The following TSC22D1 variants were observed in gnomAD, a reference collection of about 807,000 sequenced individuals.
The protein encoded by TSC22D1 is TSC22 domain family member 1, also known as TSC22 domain family protein 1.
TSC22D1 carries 9 observed loss-of-function variants against 74.2 expected under a neutral mutation model. The ratio of observed to expected loss-of-function variants is 0.12; its 90% CI spans 0.07 to 0.21. TSC22D1 has a LOEUF of 0.21. Ranked by LOEUF, TSC22D1 falls within the 10% of genes least tolerant of loss-of-function variation. The pLI is 1.00. For synonymous variants in TSC22D1, 586 were observed against 492.5 expected (o/e 1.19, Z -2.51); for missense variants, 1,427 against 1,304.7 (o/e 1.09, Z -1.44).
intron 1 of TSC22D1, among the ~76,000 whole-genome samples, chr13:44,451,850 G>GT (rs2138913418): frequency 6.6e-6 from 1 of 152,274 alleles, no homozygotes; most frequent in Non-Finnish European, 1.5e-5. Flanking sequence ...CTGCATGCCC[G>GT]TATCTATCCC....
intron 1 of TSC22D1, among the ~76,000 whole-genome samples, chr13:44,565,202 T>C (rs976957742): frequency 3.3e-5 from 5 of 152,024 alleles, no homozygotes; most frequent in African/African-American, 1.2e-4. Flanking sequence ...GAACCAATGA[T>C]TACCTAGGGA....
At chr13:44,456,234 G>C (rs962556962) in intron 1 of TSC22D1, among the ~76,000 whole-genome samples, 1 of 152,196 alleles carries the variant, frequency 6.6e-6, no homozygotes, top group Non-Finnish European at 1.5e-5. Flanking sequence ...AGCTTCCACG[G>C]CGGAGAAGAA....
At chr13:44,563,140 T>C (rs1207191994) in intron 1 of TSC22D1, among the ~76,000 whole-genome samples, 1 of 152,016 alleles carries the variant, frequency 6.6e-6, no homozygotes, top group Non-Finnish European at 1.5e-5. Flanking sequence ...AAAAACCCTG[T>C]CTTAAGGTTA....
chr13:44,531,903 C>G (rs1219056462), intron 1 of TSC22D1, among the ~76,000 whole-genome samples: 2 of 152,188 alleles, frequency 1.3e-5, no homozygotes, highest in Admixed American at 1.3e-4. Flanking sequence ...TCTTCACCAT[C>G]TTCTGCTATT....
chr13:44,568,006 C>T (rs1235031490), intron 1 of TSC22D1, among the ~76,000 whole-genome samples: 3 of 152,158 alleles, frequency 2.0e-5, no homozygotes, highest in Non-Finnish European at 4.4e-5. Flanking sequence ...ACAAAATACA[C>T]AGGTCACATA....
intron 1 of TSC22D1, among the ~76,000 whole-genome samples, chr13:44,561,071 C>A (rs1223341548): frequency 2.0e-5 from 3 of 152,044 alleles, no homozygotes; most frequent in Non-Finnish European, 4.4e-5. Context: ...CGTCGGGGGA[C>A]CAGGGAGAGG....
intron 1 of TSC22D1, among the ~76,000 whole-genome samples, chr13:44,533,823 T>G (rs1880992232): frequency 1.3e-5 from 2 of 152,144 alleles, no homozygotes; most frequent in Non-Finnish European, 2.9e-5. Flanking sequence ...GTATCCTGAA[T>G]GTACATGGAA....
In TSC22D1 at chr13:44,434,038, A is replaced by G. The variant is rs181198769; in HGVS notation, c.*588T>C. 23 of 1,533,718 alleles carry G rather than the reference A, an allele frequency of 1.5e-5. No individual in the cohort carries two copies. In the East Asian group the frequency reaches 4.6e-4, roughly 31 times the overall value. On this transcript the variant is annotated 3_prime_UTR_variant, in exon 3 of 3. Transcript: ENST00000458659. ...GCCTAGGTCCCAGCTACCTGTCACC[A>G]TTTTGTCACTCTCATAGTTTTGTGT...
chr13:44,530,616 C>G (rs981225355), intron 1 of TSC22D1, among the ~76,000 whole-genome samples: 8 of 151,516 alleles, frequency 5.3e-5, no homozygotes, highest in Admixed American at 2.6e-4. Context: ...TTACCAAACA[C>G]CCGATAAAAA....
At chr13:44,476,619 A>G (rs1877925129) in intron 1 of TSC22D1, among the ~76,000 whole-genome samples, 1 of 152,222 alleles carries the variant, frequency 6.6e-6, no homozygotes, top group African/African-American at 2.4e-5. Flanking sequence ...AAATTTTATG[A>G]TGGCTGTTTT....
intron 1 of TSC22D1, among the ~76,000 whole-genome samples, chr13:44,446,842 G>A (rs1175054735): frequency 1.6e-5 from 2 of 125,842 alleles, no homozygotes; most frequent in African/African-American, 2.9e-5. Context: ...GGAGGAGGAA[G>A]AAGAAGAAGA....
intron 1 of TSC22D1, among the ~76,000 whole-genome samples, chr13:44,465,983 C>CAAAT (rs1381815705): frequency 1.3e-5 from 2 of 151,726 alleles, no homozygotes; most frequent in African/African-American, 4.9e-5. Flanking sequence ...CAAGAAAAAA[C>CAAAT]AAACAAACAA....
chr13:44,501,809 G>A (rs574559454), intron 1 of TSC22D1, among the ~76,000 whole-genome samples: 5 of 152,188 alleles, frequency 3.3e-5, no homozygotes, highest in African/African-American at 7.2e-5. Flanking sequence ...AAACATAAGC[G>A]CTAACACATG....
chr13:44,497,426 T>C lies in TSC22D1; in HGVS notation c.2913-61331A>G, dbSNP rs1595118599. On this transcript the variant is annotated intron_variant, in intron 1 of 2. Transcript: ENST00000458659. The stretch of plus-strand genomic sequence containing the variant: ...GAATTGCCACTTTCTTTTGGGGTGA[T>C]GAAAATGTTTTGAGACTTGATAAAG... Among the ~76,000 whole-genome samples the C allele has an allele frequency of 1.3e-5, 2 of 152,318 alleles. 1 individual carries two copies. Among genetic ancestry groups the C allele is most frequent in the Admixed American group, 1.3e-4 (2 of 15,304 alleles).
intron 1 of TSC22D1, among the ~76,000 whole-genome samples, chr13:44,471,681 G>C (rs577634460): frequency 3.9e-5 from 6 of 152,306 alleles, no homozygotes; most frequent in African/African-American, 1.4e-4. Flanking sequence ...GGCAGTTTCA[G>C]AGCATCATCT....
intron 1 of TSC22D1, among the ~76,000 whole-genome samples, chr13:44,520,254 C>T (rs757202908): frequency 3.0e-4 from 45 of 152,132 alleles, no homozygotes; most frequent in Non-Finnish European, 5.6e-4. Flanking sequence ...AGACTAAAAA[C>T]TGGCCAGAAA....
chr13:44,534,054 C>A (rs1881000921), intron 1 of TSC22D1, among the ~76,000 whole-genome samples: 2 of 151,916 alleles, frequency 1.3e-5, no homozygotes, highest in Admixed American at 1.3e-4. Flanking sequence ...GACATAAACT[C>A]CATCTCTGCA....
chr13:44,507,810 T>C (rs1879507618), intron 1 of TSC22D1, among the ~76,000 whole-genome samples: 1 of 152,246 alleles, frequency 6.6e-6, no homozygotes, highest in Non-Finnish European at 1.5e-5. Flanking sequence ...CCCGAATCTT[T>C]GGCTCTGTCC....
At chr13:44,443,309 G>GAA (rs113326775) in intron 1 of TSC22D1, among the ~76,000 whole-genome samples, 11,238 of 143,234 alleles carry the variant, frequency 0.078, 540 homozygotes, top group Non-Finnish European at 0.11. Flanking sequence ...TTAACTGAAA[G>GAA]AAAAAAAAAA....
Sources: gnomAD v4.1 joint callset for allele counts (sites outside exome capture counted in the v4.1 genomes callset) on GRCh38, gnomAD v4.1.1 for gene constraint, MANE v1.5 for transcripts, NCBI Gene and HGNC (gene_info 2026-07-23, HGNC 2026-07-21) for gene names.